The following TAFA2 variants were observed in gnomAD, a reference collection of about 807,000 sequenced individuals.
TAFA2 encodes TAFA chemokine like family member 2, also known as chemokine-like protein TAFA-2.
Under a neutral mutation model 18.8 loss-of-function variants are expected in TAFA2, and 7 were observed. The observed-to-expected ratio is 0.37, with a 90% CI of 0.21 to 0.70. TAFA2 has a LOEUF of 0.70. TAFA2 is among the 30% of genes least tolerant of loss of function. TAFA2 has a pLI of 0.53. For missense variants in TAFA2, 122 were observed against 158.1 expected (o/e 0.77, Z 1.23); for synonymous variants, 60 against 54.2 (o/e 1.11, Z -0.47).
intron 1 of TAFA2, among the ~76,000 whole-genome samples, chr12:62,210,566 A>G (rs2062709144): frequency 6.6e-6 from 1 of 152,254 alleles, no homozygotes; most frequent in African/African-American, 2.4e-5. Context: ...TTAGACAAGC[A>G]TCGCAGTACA....
chr12:62,241,339 T>C (rs904694283), intron 1 of TAFA2, among the ~76,000 whole-genome samples: 6 of 152,252 alleles, frequency 3.9e-5, no homozygotes, highest in Admixed American at 3.3e-4. Context: ...AAGAAAAGCA[T>C]GACCATTATA....
At chr12:62,019,017 T>C (rs111605299) in intron 1 of TAFA2, among the ~76,000 whole-genome samples, 19,965 of 152,064 alleles carry the variant, frequency 0.13, 1,603 homozygotes, top group African/African-American at 0.22. Flanking sequence ...GGGCAAAGGA[T>C]ATGAACAGAC....
chr12:61,762,228 T>C (rs1271575613), intron 2 of TAFA2, among the ~76,000 whole-genome samples: 1 of 152,118 alleles, frequency 6.6e-6, no homozygotes, highest in African/African-American at 2.4e-5. Flanking sequence ...AAGACCTTTC[T>C]ATGCCTTCCT....
chr12:62,180,583 T>C (rs564620769), intron 1 of TAFA2, among the ~76,000 whole-genome samples: 38 of 152,326 alleles, frequency 2.5e-4, no homozygotes, highest in African/African-American at 8.9e-4. Flanking sequence ...GTTTTTTAAA[T>C]AATCAAGTAC....
chr12:62,045,421 C>CA (rs1298018078), intron 1 of TAFA2, among the ~76,000 whole-genome samples: 1 of 152,094 alleles, frequency 6.6e-6, no homozygotes, highest in Non-Finnish European at 1.5e-5. Flanking sequence ...ACTTATAAGA[C>CA]AAAAATCCAG....
chr12:62,139,941 GT>G (rs1272930657), intron 1 of TAFA2: 2 of 152,088 alleles, frequency 1.3e-5, no homozygotes. Context: ...ATAAACATTG[GT>G]TTCTCTTTCT....
At chr12:61,871,246 G>A (rs185184274) in intron 1 of TAFA2, among the ~76,000 whole-genome samples, 39 of 152,232 alleles carry the variant, frequency 2.6e-4, no homozygotes, top group Admixed American at 1.1e-3. Context: ...AGTGATCAAG[G>A]ATTTTTGACA....
chr12:62,107,417 C>A (rs1214693634), intron 1 of TAFA2, among the ~76,000 whole-genome samples: 1 of 152,134 alleles, frequency 6.6e-6, no homozygotes, highest in East Asian at 1.9e-4. Flanking sequence ...AAACCAAATT[C>A]TGTCCCCAAA....
intron 1 of TAFA2, among the ~76,000 whole-genome samples, chr12:62,221,216 GGGAAGGAA>G (rs371693194): frequency 0.02 from 1,546 of 78,770 alleles, 43 homozygotes; most frequent in African/African-American, 0.06. Flanking sequence ...GAAGGAAGGG[GGGAAGGAA>G]GGAAGGAAGG....
chr12:61,710,296 G>T lies in TAFA2; in HGVS notation c.*110C>A, dbSNP rs1251518548. The T allele has an allele frequency of 3.2e-6, 3 of 945,422 alleles. No homozygotes were observed. The highest frequency in any genetic ancestry group is 1.9e-5 in the Admixed American group (1 of 54,026). The allele number at this position is 945,422 out of a possible 1,614,324, so 58.6% of individuals were successfully genotyped here. On this transcript the variant is annotated 3_prime_UTR_variant, in exon 5 of 5. Coordinates refer to ENST00000416284, the MANE Select transcript of TAFA2 (RefSeq NM_178539.5). ...ATCCCTTGGAAATAGACTATTGAGC[G>T]CCTCTTTCAAGTGGTATAAAAATCT...
At chr12:62,087,540 C>T (rs1868506703) in intron 1 of TAFA2, among the ~76,000 whole-genome samples, 2 of 152,100 alleles carry the variant, frequency 1.3e-5, no homozygotes, top group South Asian at 4.2e-4. Context: ...AATGCAAAGT[C>T]CTTGAAGCAG....
At chr12:62,129,006 C>T (rs1663475) in intron 1 of TAFA2, among the ~76,000 whole-genome samples, 99,440 of 151,886 alleles carry the variant, frequency 0.65, 32,644 homozygotes, top group Admixed American at 0.7. Flanking sequence ...CATAAAAAGT[C>T]CTATCTTATT....
chr12:62,078,711 T>A (rs962324193), intron 1 of TAFA2, among the ~76,000 whole-genome samples: 2 of 152,238 alleles, frequency 1.3e-5, no homozygotes, highest in East Asian at 3.9e-4. Flanking sequence ...CACCAGGATC[T>A]CTTTCCCTTA....
chr12:62,032,843 A>C (rs1000575871), intron 1 of TAFA2, among the ~76,000 whole-genome samples: 1 of 152,170 alleles, frequency 6.6e-6, no homozygotes, highest in Non-Finnish European at 1.5e-5. Context: ...CTACTTATCT[A>C]AAAAAACTAA....
chr12:61,999,342 T>A (rs913836147), intron 1 of TAFA2, among the ~76,000 whole-genome samples: 29 of 152,166 alleles, frequency 1.9e-4, no homozygotes, highest in African/African-American at 6.8e-4. Context: ...CTTAACCTCA[T>A]ACAAATCCAA....
chr12:62,218,156 G>A (rs769233364), intron 1 of TAFA2, among the ~76,000 whole-genome samples: 9 of 151,508 alleles, frequency 5.9e-5, no homozygotes, highest in Non-Finnish European at 1.2e-4. Context: ...CCGTCACACC[G>A]GGCTAACTTT....
chr12:61,941,695 T>G (rs912771512), intron 1 of TAFA2, among the ~76,000 whole-genome samples: 1 of 152,122 alleles, frequency 6.6e-6, no homozygotes, highest in Non-Finnish European at 1.5e-5. Flanking sequence ...GGGTGACAGA[T>G]GCACCTGGAA....
At chr12:61,864,968 C>A (rs1228168697) in intron 2 of TAFA2, among the ~76,000 whole-genome samples, 2 of 152,018 alleles carry the variant, frequency 1.3e-5, no homozygotes, top group African/African-American at 4.8e-5. Flanking sequence ...AGTGAACTGG[C>A]CTGCCTTGCC....
intron 1 of TAFA2, among the ~76,000 whole-genome samples, chr12:61,899,938 G>A (rs1363768840): frequency 1.3e-5 from 2 of 152,186 alleles, no homozygotes. Flanking sequence ...TTTTATAGCA[G>A]ACACCTGAGC....
Sources: allele counts gnomAD v4.1 joint callset (sites outside exome capture counted in the v4.1 genomes callset), GRCh38; gene constraint gnomAD v4.1.1; transcripts MANE v1.5; gene names NCBI Gene and HGNC (gene_info 2026-07-23, HGNC 2026-07-21).